AZIN2: variants seen among roughly 807,000 people sequenced by gnomAD.
The protein encoded by AZIN2 is antizyme inhibitor 2.
AZIN2 carries 28 observed loss-of-function variants against 47.8 expected under a neutral mutation model. The ratio of observed to expected loss-of-function variants is 0.59; its 90% CI spans 0.43 to 0.80. AZIN2 has a LOEUF of 0.80. AZIN2 is among the 30% of genes least tolerant of loss of function. The pLI, the probability that AZIN2 is intolerant of heterozygous loss-of-function variation, is 0.00. For synonymous variants in AZIN2, 221 were observed against 239.4 expected, an observed-to-expected ratio of 0.92 and a Z score of 0.71; for missense variants, 535 against 582.5, an observed-to-expected ratio of 0.92 and a Z score of 0.84.
chr1:33,125,067 A>G (rs1242843628), downstream of AZIN2, among the ~76,000 whole-genome samples: 1 of 152,190 alleles, frequency 6.6e-6, no homozygotes, highest in Non-Finnish European at 1.5e-5. Flanking sequence ...AACTTTGAGG[A>G]GGTCAGAGAG....
At chr1:33,108,401 G>T (rs924386136) in intron 10 of AZIN2, among the ~76,000 whole-genome samples, 2 of 150,098 alleles carry the variant, frequency 1.3e-5, no homozygotes, top group African/African-American at 5.0e-5. Flanking sequence ...GGAGTGCAGT[G>T]GTGTGATCTT....
chr1:33,139,948 A>G, the AZIN2 span, among the ~76,000 whole-genome samples: 2 of 152,124 alleles, frequency 1.3e-5, no homozygotes, highest in Admixed American at 1.3e-4. Flanking sequence ...CTCTTCCGGG[A>G]GTGGTTCCTA....
chr1:33,165,623 A>G, the AZIN2 span: 1 of 1,458,476 alleles, frequency 6.9e-7, no homozygotes, highest in South Asian at 1.3e-5. This position sits in a 1 kb window ranked among gnomAD's most constrained non-coding sequence, Gnocchi z 4.0. Context: ...CCAGGCATTC[A>G]GCCCTGACCA....
chr1:33,084,020 A>T lies in AZIN2; in HGVS notation c.172A>T (p.Lys58Ter), dbSNP rs774241804. 12 of 1,614,042 alleles carry T rather than the reference A, an allele frequency of 7.4e-6. No individual in the cohort carries two copies. The highest frequency in any genetic ancestry group is 1.0e-5 in the Non-Finnish European group (12 of 1,180,044). ...AIVRKHFCFL[K>*]CLPRVRPFYA... ...AGTGAGGAAGCACTTTTGCTTTCTG[A>T]AGTGCCTGCCACGAGTCCGGCCCTT... The change falls in exon 5 of 12, where the codon AAG becomes TAG. Residue 58 changes from lysine to a stop codon, truncating the protein, a stop_gained. Transcript: ENST00000294517. LOFTEE classifies it high-confidence loss of function.
downstream of AZIN2, among the ~76,000 whole-genome samples, chr1:33,124,362 G>C (rs1406580102): frequency 6.6e-6 from 1 of 151,958 alleles, no homozygotes; most frequent in Admixed American, 6.6e-5. This position sits in a 1 kb window ranked among gnomAD's most constrained non-coding sequence, Gnocchi z 4.6. Flanking sequence ...GAAGAAGCAC[G>C]TCAGGATCTT....
At chr1:33,095,452 CAT>C (rs371104729) in intron 8 of AZIN2, among the ~76,000 whole-genome samples, 15 of 152,252 alleles carry the variant, frequency 9.9e-5, no homozygotes, top group South Asian at 4.1e-4. Flanking sequence ...GTTCCAAAAA[CAT>C]ATACAGAGAC....
rs767695246 is a variant in AZIN2, at chr1:33,117,928, C to T, written c.1056C>T (p.Tyr352=). 1.9e-6 allele frequency: 3 copies of T among 1,614,024 alleles called. No individual in the cohort carries two copies. Among genetic ancestry groups the T allele is most frequent in the African/African-American group, 1.3e-5 (1 of 75,066 alleles). ...QKKPSTEQPL[Y]SSSLWGPAVD... ...AACCATCCACGGAGCAGCCCCTGTA[C>T]AGCAGCAGCCTGTGGGGCCCGGCGG... The change falls in exon 11 of 12, where the codon TAC becomes TAT. Residue 352 remains tyrosine (Y), a synonymous_variant. Coordinates refer to ENST00000294517, the MANE Select transcript of AZIN2 (RefSeq NM_052998.4).
chr1:33,082,658 A>C, intron 4 of AZIN2: 1 of 262,952 alleles, frequency 3.8e-6, no homozygotes, highest in Non-Finnish European at 7.3e-6. Context: ...GCCTCCTTAA[A>C]TAAGCCTCCA....
chr1:33,094,525 C>A, intron 7 of AZIN2, 23 bp from the exon 8 acceptor site: 1 of 1,600,142 alleles, frequency 6.2e-7, no homozygotes, highest in Non-Finnish European at 8.6e-7. Flanking sequence ...GCATGTCAGC[C>A]GAGGCTCTTC....
At chr1:33,159,234 T>C in the AZIN2 span, among the ~76,000 whole-genome samples, 10 of 152,094 alleles carry the variant, frequency 6.6e-5, no homozygotes, top group Non-Finnish European at 2.9e-5. This position sits in a 1 kb window ranked among gnomAD's most constrained non-coding sequence, Gnocchi z 4.2. Flanking sequence ...ATAAAGCCTT[T>C]ATATAGTAAC....
intron 10 of AZIN2, among the ~76,000 whole-genome samples, chr1:33,110,597 T>C (rs967952487): frequency 2.6e-5 from 4 of 152,102 alleles, no homozygotes; most frequent in African/African-American, 9.7e-5. Flanking sequence ...AAATTGAAAT[T>C]ATGGCCAGGG....
At chr1:33,153,450 T>A in the AZIN2 span, among the ~76,000 whole-genome samples, 1 of 152,166 alleles carries the variant, frequency 6.6e-6, no homozygotes, top group African/African-American at 2.4e-5. Flanking sequence ...TCCAGAGACA[T>A]TTTTGGTTGT....
Position 33,084,118 on chromosome 1 carries a change from T to C in AZIN2, c.270T>C (p.Cys90=). 1 of 1,610,846 alleles carries C rather than the reference T, an allele frequency of 6.2e-7. No homozygotes were observed. The highest frequency in any genetic ancestry group is 8.5e-7 in the Non-Finnish European group (1 of 1,179,994). The part of the protein sequence containing the change: ...VLAQLGLGFS[C]ANKAEMELVQ... ...CCCAGCTGGGGCTGGGCTTTAGCTG[T>C]GCCAACAAGGTGAGCCCTGCCCGCA... is the stretch of plus-strand genomic sequence containing the variant. Residue 90 remains cysteine (C), a synonymous_variant, in exon 5 of 12, where the codon TGT becomes TGC. Coordinates refer to ENST00000294517, the MANE Select transcript of AZIN2 (RefSeq NM_052998.4).
At chr1:33,110,134 A>G (rs541243777) in intron 10 of AZIN2, among the ~76,000 whole-genome samples, 1 of 152,350 alleles carries the variant, frequency 6.6e-6, no homozygotes, top group South Asian at 2.1e-4. Context: ...CACTGTTTTG[A>G]TCTTGGTAGT....
At chr1:33,098,833 G>A (rs1054462521) in intron 10 of AZIN2, among the ~76,000 whole-genome samples, 2 of 150,574 alleles carry the variant, frequency 1.3e-5, no homozygotes, top group African/African-American at 4.9e-5. Context: ...GTGTGATCTC[G>A]GCTCACTGCA....
chr1:33,089,991 T>C (rs1325048984), intron 5 of AZIN2, among the ~76,000 whole-genome samples: 1 of 152,164 alleles, frequency 6.6e-6, no homozygotes, highest in African/African-American at 2.4e-5. Context: ...TCAGTTTCCT[T>C]CTCTGTAGAT....
At chr1:33,163,584 G>T in the AZIN2 span, 1 of 152,258 alleles carries the variant, frequency 6.6e-6, no homozygotes, top group South Asian at 2.1e-4. Flanking sequence ...TGTGGCTGGG[G>T]AAACAGCCCC....
At chr1:33,162,646 C>T in the AZIN2 span, among the ~76,000 whole-genome samples, 1 of 152,192 alleles carries the variant, frequency 6.6e-6, no homozygotes, top group Non-Finnish European at 1.5e-5. Context: ...AGCTTCTTTC[C>T]AGGCTGGGGT....
chr1:33,151,412 G>A, the AZIN2 span, among the ~76,000 whole-genome samples: 5 of 152,128 alleles, frequency 3.3e-5, no homozygotes, highest in Non-Finnish European at 7.4e-5. Flanking sequence ...CACCTCCAAG[G>A]CCTTGCACGA....
Sources: allele counts gnomAD v4.1 joint callset (sites outside exome capture counted in the v4.1 genomes callset), GRCh38; gene constraint gnomAD v4.1.1; non-coding constraint Gnocchi (gnomAD v3.1); transcripts MANE v1.5; gene names NCBI Gene and HGNC (gene_info 2026-07-23, HGNC 2026-07-21).